LAPTM4B: variants seen among roughly 807,000 people sequenced by gnomAD.
LAPTM4B encodes the protein lysosomal protein transmembrane 4 beta, also known as lysosomal-associated transmembrane protein 4B.
LAPTM4B carries 26 observed loss-of-function variants against 28.5 expected under a neutral mutation model. That is an observed-to-expected ratio of 0.91 (90% confidence interval 0.67 to 1.27). The LOEUF is 1.27. LAPTM4B is among the 50% of genes most tolerant of loss of function. The pLI, the probability that LAPTM4B is intolerant of heterozygous loss-of-function variation, is 0.00. For synonymous variants in LAPTM4B, 109 were observed against 106.4 expected, an observed-to-expected ratio of 1.02 and a Z score of -0.15; for missense variants, 288 against 285.8, an observed-to-expected ratio of 1.01 and a Z score of -0.06.
At chr8:97,844,590 G>A (rs1817400464) in intron 6 of LAPTM4B, among the ~76,000 whole-genome samples, 1 of 152,152 alleles carries the variant, frequency 6.6e-6, no homozygotes, top group African/African-American at 2.4e-5. Context: ...CACAAGACTG[G>A]AAGACTTCTG....
At chr8:97,849,170 C>T (rs183356017) in intron 6 of LAPTM4B, among the ~76,000 whole-genome samples, 114 of 152,316 alleles carry the variant, frequency 7.5e-4, no homozygotes, top group African/African-American at 2.7e-3. Context: ...GGAATGTCAT[C>T]CTCTTTACTG....
rs150564621 is a variant in LAPTM4B, at chr8:97,791,821, G to A, written c.100-13532G>A. Among the ~76,000 whole-genome samples the A allele has an allele frequency of 1.8e-4, 28 of 152,280 alleles. No individual in the cohort carries two copies. The East Asian group carries it at 5.4e-3, about 29-fold the overall frequency. On this transcript the variant is annotated intron_variant, in intron 1 of 6. Coordinates refer to ENST00000521545, the MANE Select transcript of LAPTM4B (RefSeq NM_018407.6). Reference sequence around the variant, plus strand: ...ATGTGCATATTTCCCTGAAGTCTGAGTCCTCATCTGTAGAATGGTGTAGTA... The same window carrying A: ...ATGTGCATATTTCCCTGAAGTCTGAATCCTCATCTGTAGAATGGTGTAGTA...
chr8:97,812,008 G>A (rs2079886268), intron 2 of LAPTM4B, among the ~76,000 whole-genome samples: 1 of 151,784 alleles, frequency 6.6e-6, no homozygotes, highest in Non-Finnish European at 1.5e-5. Context: ...GTTTTGCCAT[G>A]TTTCCCAAGT....
chr8:97,846,617 G>A (rs1175443326), intron 6 of LAPTM4B, among the ~76,000 whole-genome samples: 1 of 152,198 alleles, frequency 6.6e-6, no homozygotes, highest in East Asian at 1.9e-4. Flanking sequence ...GTGAGCCACT[G>A]TGTCAGGCCT....
Position 97,852,966 on chromosome 8 carries a change from A to G in LAPTM4B, c.*1492A>G. 1 of 549,604 alleles carries G rather than the reference A, an allele frequency of 1.8e-6. No individual in the cohort carries two copies. Among genetic ancestry groups the G allele is most frequent in the Non-Finnish European group, 3.0e-6 (1 of 330,022 alleles). The allele number at this position is 549,604 out of a possible 1,614,324, so 34.0% of individuals were successfully genotyped here. The stretch of plus-strand genomic sequence containing the variant: ...GGGAAAAAAGCCAAACAGAAGTAGA[A>G]AAAGGTGTAGCCGGCATACAAATGT... On this transcript the variant is annotated 3_prime_UTR_variant, in exon 7 of 7. Transcript: ENST00000521545.
chr8:97,779,052 A>G (rs529798275), intron 1 of LAPTM4B, among the ~76,000 whole-genome samples: 1 of 152,258 alleles, frequency 6.6e-6, no homozygotes, highest in East Asian at 1.9e-4. Context: ...CAATTATCAG[A>G]AAGTGGAGAG....
intron 6 of LAPTM4B, among the ~76,000 whole-genome samples, chr8:97,847,672 CTG>C (rs1817452490): frequency 6.6e-6 from 1 of 152,164 alleles, no homozygotes; most frequent in Non-Finnish European, 1.5e-5. Context: ...GCAGTAGAAA[CTG>C]TGGCAATGCT....
intron 6 of LAPTM4B, among the ~76,000 whole-genome samples, chr8:97,830,965 G>A (rs962811560): frequency 2.0e-5 from 3 of 152,180 alleles, no homozygotes; most frequent in Non-Finnish European, 4.4e-5. Flanking sequence ...CGGCCATATA[G>A]GAGATCAAAG....
intron 1 of LAPTM4B, among the ~76,000 whole-genome samples, chr8:97,801,181 T>G (rs911684001): frequency 1.3e-4 from 4 of 30,770 alleles, no homozygotes; most frequent in African/African-American, 1.3e-3. Flanking sequence ...TCTTCATACT[T>G]TTTTTTTTTT....
intron 1 of LAPTM4B, among the ~76,000 whole-genome samples, chr8:97,797,343 G>T (rs752470950): frequency 1.3e-4 from 20 of 151,938 alleles, no homozygotes; most frequent in Non-Finnish European, 2.6e-4. Context: ...ATGTTGGTTA[G>T]CCTGGTCTCG....
At chr8:97,832,384 G>A (rs934007960) in intron 6 of LAPTM4B, among the ~76,000 whole-genome samples, 3 of 152,170 alleles carry the variant, frequency 2.0e-5, no homozygotes, top group Non-Finnish European at 4.4e-5. Context: ...GTTTCCTGGT[G>A]TGTTGACATA....
intron 1 of LAPTM4B, among the ~76,000 whole-genome samples, chr8:97,789,740 C>T (rs2129738016): frequency 6.6e-6 from 1 of 151,550 alleles, no homozygotes; most frequent in East Asian, 2.0e-4. Flanking sequence ...AGGCTGGTCT[C>T]GAACTCCTGA....
intron 6 of LAPTM4B, among the ~76,000 whole-genome samples, chr8:97,837,556 T>C (rs1029278909): frequency 1.3e-5 from 2 of 152,158 alleles, no homozygotes; most frequent in African/African-American, 2.4e-5. Context: ...GTTTTTTTTT[T>C]CCCTTCATAA....
At chr8:97,851,263 C>T (rs927334431) in intron 6 of LAPTM4B, 134 bp from the exon 7 acceptor site, 12 of 727,354 alleles carry the variant, frequency 1.6e-5, no homozygotes, top group Non-Finnish European at 2.2e-5. Flanking sequence ...TGAAGTGTAT[C>T]CACTTGCTAG....
chr8:97,817,434 G>A (rs758814137), intron 4 of LAPTM4B, among the ~76,000 whole-genome samples: 19 of 145,124 alleles, frequency 1.3e-4, no homozygotes, highest in Non-Finnish European at 2.1e-4. Context: ...CACTGTACCA[G>A]GCCAACTTTA....
At chr8:97,787,546 AG>A (rs1816423375) in intron 1 of LAPTM4B, among the ~76,000 whole-genome samples, 1 of 152,182 alleles carries the variant, frequency 6.6e-6, no homozygotes, top group South Asian at 2.1e-4. Flanking sequence ...GGCCTCCCAA[AG>A]TGCTGGGATT....
At chr8:97,825,607 G>A (rs1817079762) in intron 6 of LAPTM4B, among the ~76,000 whole-genome samples, 1 of 152,178 alleles carries the variant, frequency 6.6e-6, no homozygotes, top group African/African-American at 2.4e-5. Context: ...TCTTATGTAT[G>A]TATTCTTAGT....
chr8:97,814,108 A>T (rs1003710727), intron 2 of LAPTM4B, among the ~76,000 whole-genome samples: 3 of 152,168 alleles, frequency 2.0e-5, no homozygotes, highest in African/African-American at 7.2e-5. Flanking sequence ...TCCCATAGTG[A>T]CAATGCCCAG....
rs1730262288 is a variant in LAPTM4B, at chr8:97,775,922, C to T, written c.-88C>T. 2 of 1,208,996 alleles carry T rather than the reference C, an allele frequency of 1.7e-6. No individual in the cohort carries two copies. Among genetic ancestry groups the T allele is most frequent in the African/African-American group, 1.5e-5 (1 of 64,754 alleles). The allele number at this position is 1,208,996 out of a possible 1,614,324, so 74.9% of individuals were successfully genotyped here. On this transcript the variant is annotated 5_prime_UTR_variant, in exon 1 of 7. Coordinates refer to ENST00000521545, the MANE Select transcript of LAPTM4B (RefSeq NM_018407.6). ...GCCGGGAGCCGGAGCGGCGGAGGAG[C>T]CGGCAGCAGCGGCGCGGCGGGCTCC...
Sources: allele counts gnomAD v4.1 joint callset (sites outside exome capture counted in the v4.1 genomes callset), GRCh38; gene constraint gnomAD v4.1.1; transcripts MANE v1.5; gene names NCBI Gene and HGNC (gene_info 2026-07-23, HGNC 2026-07-21).